The following SPTSSB variants were observed in gnomAD, a reference collection of about 807,000 sequenced individuals.
SPTSSB encodes the protein serine palmitoyltransferase small subunit B, also known as androgen down regulated in mouse prostate.
A neutral mutation model predicts 7.7 loss-of-function variants in SPTSSB; 6 were observed. The ratio of observed to expected loss-of-function variants is 0.78; its 90% CI spans 0.43 to 1.54. SPTSSB has a LOEUF of 1.54. Among genes scored for constraint, SPTSSB ranks in the 40% most tolerant of loss-of-function variants. The pLI is 0.01. For synonymous variants in SPTSSB, 28 were observed against 29.7 expected (o/e 0.94, Z 0.19); for missense variants, 91 against 93.0 (o/e 0.98, Z 0.09).
At chr3:161,348,312 T>TAAA (rs5853930) in intron 2 of SPTSSB, among the ~76,000 whole-genome samples, 3 of 150,524 alleles carry the variant, frequency 2.0e-5, no homozygotes, top group South Asian at 4.2e-4. Context: ...CACTCTAAAT[T>TAAA]AAAAAAAATG....
intron 1 of SPTSSB, among the ~76,000 whole-genome samples, chr3:161,360,328 A>C (rs1327930393): frequency 6.6e-6 from 1 of 152,218 alleles, no homozygotes; most frequent in Non-Finnish European, 1.5e-5. Flanking sequence ...CGGGGAAGAG[A>C]TTAGATTAGT....
intron 1 of SPTSSB, among the ~76,000 whole-genome samples, chr3:161,363,193 A>T (rs1471548457): frequency 6.6e-6 from 1 of 151,686 alleles, no homozygotes; most frequent in Non-Finnish European, 1.5e-5. Flanking sequence ...TAGGAAAAAC[A>T]TTTCTTTATT....
intron 1 of SPTSSB, among the ~76,000 whole-genome samples, chr3:161,361,570 T>C (rs975009932): frequency 1.3e-5 from 2 of 152,192 alleles, no homozygotes; most frequent in Admixed American, 6.5e-5. Flanking sequence ...ACATTAGTTA[T>C]GCCATCAGTA....
At chr3:161,357,417 C>T (rs1044005329) in intron 2 of SPTSSB, among the ~76,000 whole-genome samples, 1 of 152,182 alleles carries the variant, frequency 6.6e-6, no homozygotes, top group Non-Finnish European at 1.5e-5. Flanking sequence ...CATATGGCTA[C>T]CTACATGCTT....
chr3:161,350,165 G>A (rs1714459710), intron 2 of SPTSSB, among the ~76,000 whole-genome samples: 1 of 152,146 alleles, frequency 6.6e-6, no homozygotes, highest in Non-Finnish European at 1.5e-5. Flanking sequence ...GCTCTTTGTT[G>A]TTGTTTTCTG....
At chr3:161,354,343 T>C (rs1235745394) in intron 2 of SPTSSB, among the ~76,000 whole-genome samples, 1 of 152,210 alleles carries the variant, frequency 6.6e-6, no homozygotes, top group Admixed American at 6.5e-5. Context: ...CCTTATTTTA[T>C]TTATGCATTT....
chr3:161,355,502 A>G (rs989806091), intron 2 of SPTSSB, among the ~76,000 whole-genome samples: 8 of 152,216 alleles, frequency 5.3e-5, no homozygotes, highest in Non-Finnish European at 1.0e-4. Context: ...TATACATACA[A>G]TGGAATATTA....
intron 2 of SPTSSB, among the ~76,000 whole-genome samples, chr3:161,357,253 G>T (rs1714809159): frequency 1.3e-5 from 2 of 152,122 alleles, no homozygotes; most frequent in African/African-American, 4.8e-5. Flanking sequence ...AAATCGCTTA[G>T]ATTTTATAAT....
intron 2 of SPTSSB, among the ~76,000 whole-genome samples, chr3:161,349,063 G>A (rs1228926794): frequency 6.6e-6 from 1 of 152,190 alleles, no homozygotes; most frequent in Non-Finnish European, 1.5e-5. Context: ...GATGAGTAAT[G>A]TGGTTAGGAG....
chr3:161,350,226 G>A (rs336572), intron 2 of SPTSSB, among the ~76,000 whole-genome samples: 81,333 of 151,762 alleles, frequency 0.54, 22,573 homozygotes, highest in East Asian at 0.85. Context: ...TGAAAGAGGC[G>A]TAGCAGGTGA....
At chr3:161,359,314 T>TG (rs1484039666) in intron 2 of SPTSSB, 1 of 152,244 alleles carries the variant, frequency 6.6e-6, no homozygotes, top group Admixed American at 6.5e-5. Flanking sequence ...ATTCCTCTCT[T>TG]GTACCAAAGG....
At chr3:161,347,428 T>G (rs964832601) in intron 2 of SPTSSB, among the ~76,000 whole-genome samples, 1 of 151,870 alleles carries the variant, frequency 6.6e-6, no homozygotes, top group Non-Finnish European at 1.5e-5. Flanking sequence ...CGGCTAATTT[T>G]TTTTTGCATT....
chr3:161,349,885 G>A (rs1306956795), intron 2 of SPTSSB, among the ~76,000 whole-genome samples: 1 of 152,146 alleles, frequency 6.6e-6, no homozygotes, highest in African/African-American at 2.4e-5. Flanking sequence ...ATCAACGGGT[G>A]GTGATTTCCC....
intron 1 of SPTSSB, among the ~76,000 whole-genome samples, chr3:161,363,027 A>G (rs978715857): frequency 5.9e-5 from 9 of 151,932 alleles, no homozygotes; most frequent in Non-Finnish European, 1.2e-4. Context: ...TTAATTTATC[A>G]TTTTAAAATA....
At chr3:161,354,808 G>A (rs962608785) in intron 2 of SPTSSB, among the ~76,000 whole-genome samples, 3 of 152,188 alleles carry the variant, frequency 2.0e-5, no homozygotes, top group Non-Finnish European at 4.4e-5. Flanking sequence ...GTCATCTTCT[G>A]ATAGACTACA....
intron 1 of SPTSSB, among the ~76,000 whole-genome samples, chr3:161,367,214 T>G (rs1715259406): frequency 6.6e-6 from 1 of 152,110 alleles, no homozygotes; most frequent in Non-Finnish European, 1.5e-5. Context: ...ATAAATAAAT[T>G]GCTGGACATT....
intron 2 of SPTSSB, among the ~76,000 whole-genome samples, chr3:161,358,848 C>T (rs1560105733): frequency 6.6e-6 from 1 of 152,142 alleles, no homozygotes; most frequent in African/African-American, 2.4e-5. Flanking sequence ...TTAGTAAAAT[C>T]AAGGCTTGTT....
At chr3:161,370,708 A>C (rs904391659) in intron 1 of SPTSSB, among the ~76,000 whole-genome samples, 1 of 152,182 alleles carries the variant, frequency 6.6e-6, no homozygotes, top group African/African-American at 2.4e-5. Context: ...TCCTTATGTG[A>C]TTGTGGACTG....
chr3:161,360,064 T>G lies in SPTSSB; in HGVS notation c.-125-170A>C, dbSNP rs545380138. Among the ~76,000 whole-genome samples the G allele has an allele frequency of 5.1e-4, 78 of 152,306 alleles. 1 individual carries two copies. In the South Asian group the frequency reaches 0.015, roughly 30 times the overall value. On this transcript the variant is annotated intron_variant, in intron 1 of 2. Coordinates refer to ENST00000620149, the MANE Select transcript of SPTSSB (RefSeq NM_001040100.2). ...CAAGCCAGCCTTATTTGAAAAATTA[T>G]TTTTAGAAAAGGTCACAGTTTGAAG...
Sources: allele counts gnomAD v4.1 joint callset (sites outside exome capture counted in the v4.1 genomes callset), GRCh38; gene constraint gnomAD v4.1.1; transcripts MANE v1.5; gene names NCBI Gene and HGNC (gene_info 2026-07-23, HGNC 2026-07-21).